Variants in LIN7A observed in about 807,000 individuals in gnomAD.
The protein encoded by LIN7A is protein lin-7 homolog A.
LIN7A carries 25 observed loss-of-function variants against 29.8 expected under a neutral mutation model. The observed-to-expected ratio is 0.84, with a 90% CI of 0.61 to 1.17. The LOEUF is 1.17. Among genes scored for constraint, LIN7A ranks in the 50% most tolerant of loss-of-function variants. LIN7A has a pLI of 0.00. For missense variants in LIN7A, 239 were observed against 287.0 expected (o/e 0.83, Z 1.21); for synonymous variants, 118 against 107.5 (o/e 1.10, Z -0.60).
chr12:80,881,160 G>A lies in LIN7A; in HGVS notation c.201+8091C>T, dbSNP rs75024886. Among the ~76,000 whole-genome samples the A allele has an allele frequency of 1.1e-3, 165 of 151,926 alleles. 1 individual carries two copies. The highest frequency in any genetic ancestry group is 3.8e-3 in the African/African-American group (157 of 41,372). Reference sequence around the variant, plus strand: ...TTAAAATTGAACTTCTTCTCCAGGGGAAAAAAATCTATATTGTGTGATTTA... The same window carrying A: ...TTAAAATTGAACTTCTTCTCCAGGGAAAAAAAATCTATATTGTGTGATTTA... On this transcript the variant is annotated intron_variant, in intron 2 of 5. Transcript: ENST00000552864.
chr12:80,902,933 T>C (rs1876300432), intron 1 of LIN7A, among the ~76,000 whole-genome samples: 1 of 151,892 alleles, frequency 6.6e-6, no homozygotes, highest in African/African-American at 2.4e-5. Flanking sequence ...GGTGTTATCT[T>C]GTTCCAGTTC....
intron 1 of LIN7A, among the ~76,000 whole-genome samples, chr12:80,929,680 T>C (rs1210322982): frequency 6.6e-6 from 1 of 152,170 alleles, no homozygotes; most frequent in African/African-American, 2.4e-5. Context: ...ATCACCACTT[T>C]CTTTTCTAAG....
intron 5 of LIN7A, among the ~76,000 whole-genome samples, chr12:80,807,082 T>TTTTTTGTTG (rs1555221396): frequency 7.4e-6 from 1 of 134,632 alleles, no homozygotes; most frequent in Non-Finnish European, 1.6e-5. Flanking sequence ...TTTTTTTTTT[T>TTTTTTGTTG]TTTTTTTTTG....
chr12:80,816,633 A>T (rs1030917320), intron 4 of LIN7A, among the ~76,000 whole-genome samples: 1 of 152,202 alleles, frequency 6.6e-6, no homozygotes, highest in Non-Finnish European at 1.5e-5. Flanking sequence ...TGGGAAAAAA[A>T]TAGCTCAGTA....
chr12:80,845,175 T>G (rs1873007940), intron 4 of LIN7A, among the ~76,000 whole-genome samples: 1 of 149,856 alleles, frequency 6.7e-6, no homozygotes, highest in Non-Finnish European at 1.5e-5. Flanking sequence ...AGGCGGAGCT[T>G]GCAGTGAGCT....
chr12:80,917,468 G>T (rs1179236715), intron 1 of LIN7A, among the ~76,000 whole-genome samples: 2 of 152,210 alleles, frequency 1.3e-5, no homozygotes, highest in African/African-American at 2.4e-5. Context: ...TAAGGCTATA[G>T]CATCAGTTTA....
chr12:80,928,733 T>C (rs903636673), intron 1 of LIN7A, among the ~76,000 whole-genome samples: 1 of 152,036 alleles, frequency 6.6e-6, no homozygotes, highest in African/African-American at 2.4e-5. Context: ...TTTGTTGCCA[T>C]TTGCTTTTGG....
At position 80,797,277 on chromosome 12, in the gene LIN7A, A is replaced by C. The variant is rs1037336327; in HGVS notation, c.*450T>G. The C allele has an allele frequency of 2.6e-5, 4 of 152,372 alleles. No individual in the cohort carries two copies. Among genetic ancestry groups the C allele is most frequent in the Non-Finnish European group, 5.9e-5 (4 of 68,032 alleles). 9.4% of individuals were successfully genotyped at this position (152,372 alleles called of 1,614,324 possible). ...AACTCAGCACTATGGATTGTGGAGC[A>C]GGTGAGGGTAAGGAGCAATGTGTAG... On this transcript the variant is annotated 3_prime_UTR_variant, in exon 6 of 6. Coordinates refer to ENST00000552864, the MANE Select transcript of LIN7A (RefSeq NM_004664.4).
chr12:80,867,286 G>T (rs1046832107), intron 2 of LIN7A, among the ~76,000 whole-genome samples: 2 of 152,108 alleles, frequency 1.3e-5, no homozygotes, highest in Non-Finnish European at 2.9e-5. Context: ...TTGTCAGAAA[G>T]TCACCCTTGG....
intron 1 of LIN7A, among the ~76,000 whole-genome samples, chr12:80,934,977 A>G (rs917705467): frequency 1.3e-5 from 2 of 152,160 alleles, no homozygotes; most frequent in Non-Finnish European, 2.9e-5. Context: ...CTAGGTTGAG[A>G]ATCTCTGGCC....
At chr12:80,885,615 C>G (rs1265236965) in intron 2 of LIN7A, among the ~76,000 whole-genome samples, 2 of 152,030 alleles carry the variant, frequency 1.3e-5, no homozygotes, top group African/African-American at 4.8e-5. Context: ...GATTTGCATT[C>G]AAGTGTAAGT....
intron 4 of LIN7A, among the ~76,000 whole-genome samples, chr12:80,840,470 TG>T (rs1428312830): frequency 6.6e-6 from 1 of 152,166 alleles, no homozygotes; most frequent in African/African-American, 2.4e-5. Flanking sequence ...TTGGGTTGTG[TG>T]TGTGACAGAG....
chr12:80,816,146 A>C lies in LIN7A; in HGVS notation c.484-4463T>G, dbSNP rs375700256. ...TCAAGCACAGTGGCTCTTGCCTGTAATCCCAGCCATTTGGGAGGCTGAGGC... is the reference window on the plus strand; with the variant it reads ...TCAAGCACAGTGGCTCTTGCCTGTACTCCCAGCCATTTGGGAGGCTGAGGC... On this transcript the variant is annotated intron_variant, in intron 4 of 5. Transcript: ENST00000552864. Among the ~76,000 whole-genome samples the C allele has an allele frequency of 2.6e-5, 4 of 152,316 alleles. No individual in the cohort carries two copies. In the South Asian group the frequency reaches 8.3e-4, roughly 32 times the overall value.
intron 5 of LIN7A, among the ~76,000 whole-genome samples, chr12:80,803,546 G>A (rs1202178053): frequency 1.3e-5 from 2 of 152,146 alleles, no homozygotes; most frequent in Non-Finnish European, 2.9e-5. Flanking sequence ...AATAGACCCT[G>A]AGGTCAGGTA....
intron 4 of LIN7A, among the ~76,000 whole-genome samples, chr12:80,812,633 C>T (rs928305300): frequency 6.6e-6 from 1 of 152,120 alleles, no homozygotes; most frequent in Non-Finnish European, 1.5e-5. Context: ...CTCACCACCA[C>T]CTCCGCCTCC....
At chr12:80,886,482 A>T (rs947810555) in intron 2 of LIN7A, among the ~76,000 whole-genome samples, 4 of 75,998 alleles carry the variant, frequency 5.3e-5, no homozygotes, top group Admixed American at 2.2e-4. Context: ...TCAACACAAT[A>T]AGAATAATAA....
intron 4 of LIN7A, among the ~76,000 whole-genome samples, chr12:80,831,589 C>T (rs923719470): frequency 6.6e-6 from 1 of 152,076 alleles, no homozygotes; most frequent in Non-Finnish European, 1.5e-5. Flanking sequence ...GAAACACTGC[C>T]AATATATGCA....
intron 1 of LIN7A, among the ~76,000 whole-genome samples, chr12:80,935,391 A>C (rs1878152918): frequency 6.6e-6 from 1 of 152,190 alleles, no homozygotes; most frequent in Non-Finnish European, 1.5e-5. Context: ...TAATTGAATT[A>C]TAGACTGCTA....
At chr12:80,871,272 A>G (rs917074212) in intron 2 of LIN7A, among the ~76,000 whole-genome samples, 2 of 152,208 alleles carry the variant, frequency 1.3e-5, no homozygotes, top group African/African-American at 4.8e-5. Flanking sequence ...AAGAATGGGT[A>G]ATAGGAAATG....
Sources: gnomAD v4.1 joint callset for allele counts (sites outside exome capture counted in the v4.1 genomes callset) on GRCh38, gnomAD v4.1.1 for gene constraint, MANE v1.5 for transcripts, NCBI Gene and HGNC (gene_info 2026-07-23, HGNC 2026-07-21) for gene names.